Variants in GIT2 observed in about 807,000 individuals in gnomAD.
GIT2 encodes the protein ARF GTPase-activating protein GIT2.
In GIT2, 32 loss-of-function variants were observed where a neutral mutation model predicts 100.3. That is an observed-to-expected ratio of 0.32 (90% confidence interval 0.24 to 0.43). GIT2 has a LOEUF of 0.43. Among genes scored for constraint, GIT2 ranks in the 20% least tolerant of loss-of-function variants. The pLI, the probability that GIT2 is intolerant of heterozygous loss-of-function variation, is 1.00. For synonymous variants in GIT2, 353 were observed against 364.1 expected (o/e 0.97, Z 0.35); for missense variants, 737 against 975.1 (o/e 0.76, Z 3.25).
chr12:109,948,260 G>A lies in GIT2; in HGVS notation c.1393-756C>T, dbSNP rs1418555998. ...TGCTCCACGCAGCACGCTTGCTTCC[G>A]TCTGGTGAGTGATCATCTTTCGGCC... On this transcript the variant is annotated intron_variant, in intron 14 of 19. Coordinates refer to ENST00000355312, the MANE Select transcript of GIT2 (RefSeq NM_057169.5). The surrounding 1 kb of genome is among the most constrained non-coding windows in gnomAD (Gnocchi z 4.3). 1.9e-5 allele frequency: 19 copies of A among 986,034 alleles called. No individual in the cohort carries two copies. Among genetic ancestry groups the A allele is most frequent in the East Asian group, 1.1e-4 (1 of 8,830 alleles). 61.1% of individuals were successfully genotyped at this position (986,034 alleles called of 1,614,324 possible). A position where few individuals can be genotyped will look rare whatever the true frequency, so the allele number is the denominator to read the frequency against.
rs200396289 is a variant in GIT2 at position 109,965,529 on chromosome 12, T to C, written c.813A>G (p.Gln271=). 3.8e-5 allele frequency: 60 copies of C among 1,580,382 alleles called. No homozygotes were observed. The South Asian group carries it at 4.7e-4, about 12-fold the overall frequency. The part of the protein sequence containing the change: ...ELAKAAKKKL[Q]SLSNHLFEEL... ...ACCAGTACAGAGAAATACTCACAGATTGAAGTTTCTTCTTAGCAGCTTTTG... is the reference window on the plus strand; with the variant it reads ...ACCAGTACAGAGAAATACTCACAGACTGAAGTTTCTTCTTAGCAGCTTTTG... Residue 271 remains glutamine (Q), a synonymous_variant, in exon 9 of 20, where the codon CAA becomes CAG. Coordinates refer to ENST00000355312, the MANE Select transcript of GIT2 (RefSeq NM_057169.5).
At position 109,933,108 on chromosome 12, in the gene GIT2, G is replaced by T. The variant is rs770460324; in HGVS notation, c.2150C>A (p.Thr717Asn). 1.9e-6 allele frequency: 3 copies of T among 1,612,094 alleles called. No homozygotes were observed. The highest frequency in any genetic ancestry group is 2.5e-6 in the Non-Finnish European group (3 of 1,178,596). Residue 717 changes from threonine to asparagine, a missense_variant, in exon 20 of 20, where the codon ACC (threonine) becomes AAC (asparagine). By Grantham distance (65) the Thr-to-Asn change is moderately conservative (BLOSUM62 0). This residue lies in a region of GIT2 where 451 missense variants were observed against 543.7 expected (regional missense o/e 0.83). Coordinates refer to ENST00000355312, the MANE Select transcript of GIT2 (RefSeq NM_057169.5). The surrounding 1 kb of genome is among the most constrained non-coding windows in gnomAD (Gnocchi z 4.5). ...GGGTGAGCCGGGGTCCCCTGGGAGG[G>T]TCTTCTTGCACTCTGACTGCAGTCG... is the stretch of plus-strand genomic sequence containing the variant. ...AYRLQSECKK[T>N]LPGDPGSPTD...
rs957842071 is a variant in GIT2, at chr12:109,983,225, T to C, written c.623+148A>G. 1.1e-5 allele frequency: 8 copies of C among 709,344 alleles called. No individual in the cohort carries two copies. In the Admixed American group the frequency reaches 1.5e-4, roughly 13 times the overall value. The allele number at this position is 709,344 out of a possible 1,614,324, so 43.9% of individuals were successfully genotyped here. A position where few individuals can be genotyped will look rare whatever the true frequency, so the allele number is the denominator to read the frequency against. On this transcript the variant is annotated intron_variant, in intron 6 of 19. Transcript: ENST00000355312. ...TCAACTTTGCCAGGCTGAGCTTATA[T>C]GCATTTGAAATGTCTTCATCTGTAA...
At chr12:109,967,369 T>G (rs1882759458) in intron 8 of GIT2, 89 bp downstream of exon 8, 7 of 1,565,484 alleles carry the variant, frequency 4.5e-6, no homozygotes, top group Non-Finnish European at 6.1e-6. Flanking sequence ...ATGGGCTTTG[T>G]TAAACACAAA....
At chr12:109,967,850 G>A (rs571280314) in intron 7 of GIT2, among the ~76,000 whole-genome samples, 52 of 152,266 alleles carry the variant, frequency 3.4e-4, no homozygotes, top group Non-Finnish European at 4.9e-4. Flanking sequence ...CCACGGTGTG[G>A]GACAGTGGAT....
intron 7 of GIT2, among the ~76,000 whole-genome samples, chr12:109,973,360 C>CT (rs1884366202): frequency 6.6e-6 from 1 of 152,238 alleles, no homozygotes; most frequent in Non-Finnish European, 1.5e-5. Flanking sequence ...AGGCTGGTCT[C>CT]TAACTCCCCA....
At chr12:109,991,972 G>A (rs1478986277) in intron 1 of GIT2, 1 of 472,436 alleles carries the variant, frequency 2.1e-6, no homozygotes, top group Non-Finnish European at 3.8e-6. Flanking sequence ...AACACCAGTG[G>A]GAGCCTTGGG....
chr12:109,959,038 G>C (rs763864516), intron 12 of GIT2, among the ~76,000 whole-genome samples: 4 of 151,326 alleles, frequency 2.6e-5, no homozygotes, highest in African/African-American at 4.8e-5. Flanking sequence ...CAGATATTAT[G>C]CAGTTTCAAT....
chr12:109,983,764 T>C, intron 4 of GIT2, 70 bp from the exon 5 acceptor site: 2 of 912,932 alleles, frequency 2.2e-6, no homozygotes, highest in Non-Finnish European at 3.6e-6. Context: ...GGGCAGCTGA[T>C]AGACCATTTT....
intron 13 of GIT2, among the ~76,000 whole-genome samples, chr12:109,951,760 T>A (rs1471102779): frequency 6.6e-6 from 1 of 151,820 alleles, no homozygotes; most frequent in African/African-American, 2.4e-5. Context: ...CATGAGAGAG[T>A]ATATATATTG....
At chr12:109,946,029 G>C (rs947709013) in intron 15 of GIT2, among the ~76,000 whole-genome samples, 1 of 152,120 alleles carries the variant, frequency 6.6e-6, no homozygotes, top group African/African-American at 2.4e-5. Context: ...AGCTACTCAG[G>C]AGGCTGAGGC....
At chr12:109,975,068 T>C (rs1264063259) in intron 7 of GIT2, among the ~76,000 whole-genome samples, 1 of 152,220 alleles carries the variant, frequency 6.6e-6, no homozygotes, top group Admixed American at 6.5e-5. Context: ...TTGTCTGATA[T>C]TAATATAGCC....
At chr12:109,950,008 G>C (rs1877392937) in intron 14 of GIT2, among the ~76,000 whole-genome samples, 1 of 152,188 alleles carries the variant, frequency 6.6e-6, no homozygotes, top group Admixed American at 6.5e-5. Flanking sequence ...CACAGAACAA[G>C]TGTCTGTTCG....
At chr12:109,955,054 G>T (rs1294716591) in intron 12 of GIT2, among the ~76,000 whole-genome samples, 1 of 152,098 alleles carries the variant, frequency 6.6e-6, no homozygotes, top group Non-Finnish European at 1.5e-5. Context: ...GTTATTTGTT[G>T]ATCTATTTCT....
intron 18 of GIT2, among the ~76,000 whole-genome samples, chr12:109,936,908 G>C (rs1392364785): frequency 2.0e-5 from 3 of 151,972 alleles, no homozygotes; most frequent in Non-Finnish European, 4.4e-5. Context: ...GAAAGCCATG[G>C]GACACTTTGC....
intron 7 of GIT2, among the ~76,000 whole-genome samples, chr12:109,972,247 G>A (rs947227567): frequency 8.5e-5 from 13 of 152,108 alleles, no homozygotes; most frequent in African/African-American, 1.2e-4. Context: ...AATGGTAAGA[G>A]TGGACACCCT....
Position 109,983,596 on chromosome 12 carries a change from A to C in GIT2, c.492+12T>G, listed in dbSNP as rs780572184. 2 of 1,602,622 alleles carry C rather than the reference A, an allele frequency of 1.2e-6. No homozygotes were observed. Among genetic ancestry groups the C allele is most frequent in the Non-Finnish European group, 1.7e-6 (2 of 1,169,806 alleles). ...TTAGTTTCAATATCTGAAGCAATTC[A>C]TGTTTTCTTACAGGATGAAAGAAGT... On this transcript the variant is annotated intron_variant, in intron 5 of 19. Transcript: ENST00000355312.
Position 109,962,963 on chromosome 12 carries a change from ACCACTGCACG to A in GIT2, c.817-1288_817-1279del, listed in dbSNP as rs563865664. 2.0e-5 allele frequency among the ~76,000 whole-genome samples: 3 copies of A among 152,142 alleles called. No individual in the cohort carries two copies. The highest frequency in any genetic ancestry group is 4.4e-5 in the Non-Finnish European group (3 of 68,028). ...CAAGGCTGCAGTGAGCCACGATGGC[ACCACTGCACG>A]CCAGCCTGGGTGACGGAGTGAGACC... On this transcript the variant is annotated intron_variant, in intron 9 of 19. Coordinates refer to ENST00000355312, the MANE Select transcript of GIT2 (RefSeq NM_057169.5). This position sits in a 1 kb window ranked among gnomAD's most constrained non-coding sequence, Gnocchi z 4.3.
At chr12:109,993,160 A>C (rs1888733932) in intron 1 of GIT2, among the ~76,000 whole-genome samples, 1 of 152,178 alleles carries the variant, frequency 6.6e-6, no homozygotes, top group Non-Finnish European at 1.5e-5. Flanking sequence ...CTTTGAAACA[A>C]GGAATAATTT....
Sources: gnomAD v4.1 joint callset for allele counts (sites outside exome capture counted in the v4.1 genomes callset) on GRCh38, gnomAD v4.1.1 for gene constraint, gnomAD v4.1.1 regional missense constraint, Gnocchi (gnomAD v3.1) non-coding constraint, MANE v1.5 for transcripts, NCBI Gene and HGNC (gene_info 2026-07-23, HGNC 2026-07-21) for gene names.